VAC14: variants seen among roughly 807,000 people sequenced by gnomAD.
The protein encoded by VAC14 is protein VAC14 homolog.
A neutral mutation model predicts 85.3 loss-of-function variants in VAC14; 47 were observed. The observed-to-expected ratio is 0.55, with a 90% confidence interval of 0.44 to 0.70. The LOEUF (loss-of-function observed/expected upper bound fraction) is 0.70. VAC14 is among the 30% of genes least tolerant of loss of function. The probability of loss-of-function intolerance (pLI) is 0.00; values close to 1 mark genes in which losing one functional copy is unlikely to be tolerated. For missense variants in VAC14, 861 were observed against 1,004.3 expected (o/e 0.86, Z 1.93); for synonymous variants, 447 against 430.5 (o/e 1.04, Z -0.47).
chr16:70,726,387 T>C (rs1284901510), intron 14 of VAC14, among the ~76,000 whole-genome samples: 5 of 152,230 alleles, frequency 3.3e-5, no homozygotes, highest in Non-Finnish European at 7.4e-5. Flanking sequence ...CATGATTTCA[T>C]CCCCTCAGGG....
At chr16:70,772,375 T>C (rs955019907) in intron 9 of VAC14, 1 of 551,750 alleles carries the variant, frequency 1.8e-6, no homozygotes, top group South Asian at 2.4e-5. Flanking sequence ...AAGTCTGTAG[T>C]CACAGTGATC....
intron 10 of VAC14, chr16:70,770,643 C>T (rs2033151474): frequency 6.6e-6 from 1 of 152,278 alleles, no homozygotes; most frequent in Non-Finnish European, 1.5e-5. Flanking sequence ...TCAATCACTC[C>T]TCTTTCCAGT....
chr16:70,765,360 T>C (rs2032725916), intron 10 of VAC14, among the ~76,000 whole-genome samples: 3 of 152,250 alleles, frequency 2.0e-5, no homozygotes, highest in East Asian at 1.9e-4. Context: ...CCTACTCCAC[T>C]GGCATGGGGC....
At chr16:70,735,929 G>GC (rs1222304340) in intron 13 of VAC14, among the ~76,000 whole-genome samples, 1 of 152,246 alleles carries the variant, frequency 6.6e-6, no homozygotes, top group African/African-American at 2.4e-5. Flanking sequence ...AGGCCCAGCT[G>GC]GGGGCTGATC....
At chr16:70,746,421 C>A (rs2030894529) in intron 12 of VAC14, among the ~76,000 whole-genome samples, 1 of 152,244 alleles carries the variant, frequency 6.6e-6, no homozygotes, top group Admixed American at 6.5e-5. Flanking sequence ...GTGCCAGCGG[C>A]TGCGTTGGGT....
intron 13 of VAC14, among the ~76,000 whole-genome samples, chr16:70,740,978 C>T (rs997163364): frequency 6.6e-6 from 1 of 152,254 alleles, no homozygotes; most frequent in Admixed American, 6.5e-5. Flanking sequence ...ACTCGCTTCT[C>T]CACTGCTGCG....
chr16:70,722,163 C>T (rs7196032), intron 14 of VAC14, among the ~76,000 whole-genome samples: 61,457 of 152,112 alleles, frequency 0.4, 12,698 homozygotes, highest in Non-Finnish European at 0.43. Flanking sequence ...CCCTGAACTA[C>T]AGAAAACTCC....
At chr16:70,777,910 C>T (rs1033196574) in intron 9 of VAC14, among the ~76,000 whole-genome samples, 1 of 152,192 alleles carries the variant, frequency 6.6e-6, no homozygotes, top group Non-Finnish European at 1.5e-5. Context: ...TGTCCCTGAC[C>T]AGCGAAGCTA....
chr16:70,748,119 C>T lies in VAC14; in HGVS notation c.1372-3540G>A, dbSNP rs74536719. 7.5e-3 allele frequency among the ~76,000 whole-genome samples: 1,124 copies of T among 149,260 alleles called. 95 individuals are homozygous for T. The East Asian group carries it at 0.18, about 24-fold the overall frequency. On this transcript the variant is annotated intron_variant, in intron 12 of 18. Transcript: ENST00000261776. Reference sequence around the variant, plus strand: ...AGGTAACAGCGAGTCCACCTCAAACCCAGCTCTGGTCCCCAAACCTGAGCC... The same window carrying T: ...AGGTAACAGCGAGTCCACCTCAAACTCAGCTCTGGTCCCCAAACCTGAGCC...
chr16:70,725,334 A>AC (rs2054396988), intron 14 of VAC14, among the ~76,000 whole-genome samples: 1 of 152,162 alleles, frequency 6.6e-6, no homozygotes, highest in Admixed American at 6.5e-5. Flanking sequence ...GGCCTTGGAC[A>AC]CCTTGGTGAT....
At chr16:70,783,671 A>G in intron 5 of VAC14, 117 bp from the exon 6 acceptor site, 1 of 976,390 alleles carries the variant, frequency 1.0e-6, no homozygotes, top group Non-Finnish European at 1.6e-6. Context: ...ATTTCCCTGC[A>G]GTGCAGGTGT....
Position 70,780,649 on chromosome 16 carries a change from G to T in VAC14, c.1096+141C>A. On this transcript the variant is annotated intron_variant, in intron 9 of 18. Transcript: ENST00000261776. ...GGGGGAGAACCACTGCTGCCACTGC[G>T]CTGGGTTGCTGCTACAATTGTGTGA... 7.3e-6 allele frequency: 8 copies of T among 1,088,884 alleles called. No individual in the cohort carries two copies. In the South Asian group the frequency reaches 9.7e-5, roughly 13 times the overall value. 67.5% of individuals were successfully genotyped at this position (1,088,884 alleles called of 1,614,324 possible). A position where few individuals can be genotyped will look rare whatever the true frequency, so the allele number is the denominator to read the frequency against.
At position 70,755,871 on chromosome 16, in the gene VAC14, G is replaced by C. The variant is rs1436038213; in HGVS notation, c.1371+6669C>G. On this transcript the variant is annotated intron_variant, in intron 12 of 18. Coordinates refer to ENST00000261776, the MANE Select transcript of VAC14 (RefSeq NM_018052.5). ...GCTCCTCTCTTTGGGGGACGGGAGA[G>C]AGCAGCCCCAGCCACCTGGGAACCT... 7.8e-6 allele frequency: 3 copies of C among 385,158 alleles called. No individual in the cohort carries two copies. The East Asian group carries it at 2.2e-4, about 28-fold the overall frequency. 23.9% of individuals were successfully genotyped at this position (385,158 alleles called of 1,614,324 possible).
chr16:70,719,260 G>A (rs189860764), intron 14 of VAC14, among the ~76,000 whole-genome samples: 29 of 152,290 alleles, frequency 1.9e-4, no homozygotes, highest in East Asian at 1.9e-4. Context: ...CTGGGAATGC[G>A]GAACAATCAT....
chr16:70,702,295 C>T (rs539583206), intron 14 of VAC14, among the ~76,000 whole-genome samples: 1 of 152,246 alleles, frequency 6.6e-6, no homozygotes, highest in Non-Finnish European at 1.5e-5. Context: ...GAAGCCAGCT[C>T]ATCCCAGGAG....
chr16:70,799,904 C>T (rs1320518990), intron 1 of VAC14, among the ~76,000 whole-genome samples: 2 of 152,192 alleles, frequency 1.3e-5, no homozygotes, highest in East Asian at 1.9e-4. Context: ...GACTGAGAAA[C>T]TAAAGTTTAA....
chr16:70,772,302 A>G (rs776913234), intron 9 of VAC14, 130 bp from the exon 10 acceptor site: 38 of 752,948 alleles, frequency 5.0e-5, no homozygotes, highest in Non-Finnish European at 6.6e-5. Context: ...CAAAAGGACC[A>G]TGGCTCTGGA....
chr16:70,758,365 C>T (rs1346565532), intron 12 of VAC14, among the ~76,000 whole-genome samples: 1 of 152,170 alleles, frequency 6.6e-6, no homozygotes, highest in African/African-American at 2.4e-5. Flanking sequence ...TGGCCAGGGT[C>T]CCCGGTAAGG....
At chr16:70,704,766 C>T (rs564213529) in intron 14 of VAC14, among the ~76,000 whole-genome samples, 2 of 152,324 alleles carry the variant, frequency 1.3e-5, no homozygotes, top group African/African-American at 4.8e-5. Flanking sequence ...ATGGCTCCTT[C>T]GCCAGGTGTC....
Sources: allele counts gnomAD v4.1 joint callset (sites outside exome capture counted in the v4.1 genomes callset), GRCh38; gene constraint gnomAD v4.1.1; transcripts MANE v1.5; gene names NCBI Gene and HGNC (gene_info 2026-07-23, HGNC 2026-07-21).